COL24A1: variants seen among roughly 807,000 people sequenced by gnomAD.
COL24A1 encodes collagen type XXIV alpha 1 chain, also known as collagen alpha-1(XXIV) chain.
Under a neutral mutation model 253.9 loss-of-function variants are expected in COL24A1, and 224 were observed. The ratio of observed to expected loss-of-function variants is 0.88; its 90% confidence interval spans 0.79 to 0.99. The LOEUF (loss-of-function observed/expected upper bound fraction) is 0.99. Ranked by LOEUF, COL24A1 falls within the 50% of genes least tolerant of loss-of-function variation. The pLI is 0.00. For missense variants in COL24A1, 2,131 were observed against 2,068.5 expected (o/e 1.03, Z -0.59); for synonymous variants, 685 against 673.7 (o/e 1.02, Z -0.26).
chr1:85,852,817 TTTTA>T (rs1677931015), intron 37 of COL24A1, among the ~76,000 whole-genome samples: 1 of 152,168 alleles, frequency 6.6e-6, no homozygotes, highest in Non-Finnish European at 1.5e-5. Flanking sequence ...TGTATATTAC[TTTTA>T]TTTATTTATT....
intron 2 of COL24A1, among the ~76,000 whole-genome samples, chr1:86,139,870 A>G (rs1212766425): frequency 6.6e-6 from 1 of 152,318 alleles, no homozygotes; most frequent in Non-Finnish European, 1.5e-5. Context: ...TAAATTAACT[A>G]GATAATTGCC....
chr1:85,771,775 CTTTTTTAT>C (rs1428515805), intron 53 of COL24A1, among the ~76,000 whole-genome samples: 52 of 51,924 alleles, frequency 1.0e-3, no homozygotes, highest in Middle Eastern at 0.01. Context: ...TGTTGCCTGA[CTTTTTTAT>C]TTATTTATTT....
chr1:85,852,660 T>C (rs1677901026), intron 37 of COL24A1, among the ~76,000 whole-genome samples: 1 of 146,582 alleles, frequency 6.8e-6, no homozygotes, highest in Non-Finnish European at 1.5e-5. Flanking sequence ...ATAATTTCTT[T>C]AATTGCAAAA....
At chr1:85,761,684 T>A in intron 53 of COL24A1, 118 bp from the exon 54 acceptor site, 3 of 952,790 alleles carry the variant, frequency 3.1e-6, no homozygotes, top group Non-Finnish European at 5.0e-6. Flanking sequence ...TCATACAATT[T>A]AAAATTGTTT....
chr1:86,152,916 A>C (rs866562041), intron 1 of COL24A1, among the ~76,000 whole-genome samples: 1 of 152,154 alleles, frequency 6.6e-6, no homozygotes, highest in South Asian at 2.1e-4. Flanking sequence ...CACTCATCCC[A>C]AAATCAAGAA....
chr1:85,966,105 GT>G (rs1316601752), intron 22 of COL24A1, among the ~76,000 whole-genome samples: 1 of 152,082 alleles, frequency 6.6e-6, no homozygotes, highest in Non-Finnish European at 1.5e-5. Flanking sequence ...GTGAATCAGG[GT>G]GGTAGCAGAG....
rs1553173097 is a variant in COL24A1, at chr1:85,778,023, C to CTCTATCTATCTATCTATCTG, written c.4339-2315_4339-2314insCAGATAGATAGATAGATAGA. ...GGTATATGTGTGTATATGTCTCTAT[C>CTCTATCTATCTATCTATCTG]TCTATCTATCTATCTATCTATCTAT... On this transcript the variant is annotated intron_variant, in intron 52 of 59. Transcript: ENST00000370571. 3.2e-4 allele frequency among the ~76,000 whole-genome samples: 48 copies of CTCTATCTATCTATCTATCTG among 149,246 alleles called. No homozygotes were observed. In the East Asian group the frequency reaches 6.0e-3, roughly 19 times the overall value.
intron 24 of COL24A1, among the ~76,000 whole-genome samples, chr1:85,957,121 A>G (rs535995050): frequency 1.3e-5 from 2 of 152,314 alleles, no homozygotes; most frequent in East Asian, 1.9e-4. Context: ...GTTCTCACAC[A>G]TAAGTGGGAG....
rs1431640308 is a variant in COL24A1 at position 85,737,515 on chromosome 1, T to C, written c.4673-10A>G. On this transcript the variant is annotated splice_polypyrimidine_tract_variant and intron_variant, in intron 57 of 59. Coordinates refer to ENST00000370571, the MANE Select transcript of COL24A1 (RefSeq NM_152890.7). ...TCAATCCAGTATTTTCCTAATAATT[T>C]ATAGTAAAACATAAAGTTAAAGTTA... is the stretch of plus-strand genomic sequence containing the variant. 1 of 1,559,280 alleles carries C rather than the reference T, an allele frequency of 6.4e-7. No homozygotes were observed. Among genetic ancestry groups the C allele is most frequent in the Non-Finnish European group, 8.8e-7 (1 of 1,140,246 alleles).
chr1:85,742,309 T>G (rs1321495366), intron 57 of COL24A1, among the ~76,000 whole-genome samples: 1 of 151,880 alleles, frequency 6.6e-6, no homozygotes, highest in African/African-American at 2.4e-5. Flanking sequence ...TTTTTCTGTA[T>G]TTTTAGTAGA....
chr1:86,041,988 G>C (rs1034858953), intron 12 of COL24A1, among the ~76,000 whole-genome samples: 1 of 151,982 alleles, frequency 6.6e-6, no homozygotes. Flanking sequence ...GAGCCCCAGG[G>C]TATCCTCTAA....
At chr1:86,136,012 C>A (rs899396599) in intron 2 of COL24A1, among the ~76,000 whole-genome samples, 2 of 152,082 alleles carry the variant, frequency 1.3e-5, no homozygotes, top group African/African-American at 4.8e-5. Context: ...CAGTTTCATT[C>A]TAAATGGCTT....
At chr1:85,965,410 G>A (rs1691466842) in intron 22 of COL24A1, among the ~76,000 whole-genome samples, 1 of 151,986 alleles carries the variant, frequency 6.6e-6, no homozygotes, top group Admixed American at 6.6e-5. Context: ...AGCAGGGAAG[G>A]GATATATAAA....
intron 37 of COL24A1, among the ~76,000 whole-genome samples, chr1:85,867,029 A>G (rs936032741): frequency 4.6e-5 from 7 of 152,188 alleles, no homozygotes; most frequent in Admixed American, 1.3e-4. Flanking sequence ...ATGTGTTATA[A>G]TATTATTTTA....
intron 19 of COL24A1, among the ~76,000 whole-genome samples, chr1:86,008,525 T>C (rs961894452): frequency 3.9e-5 from 6 of 152,180 alleles, no homozygotes; most frequent in Non-Finnish European, 7.4e-5. Context: ...AATATGAATA[T>C]TTTAATCTTC....
chr1:85,907,276 T>TAGAATTTACA, intron 27 of COL24A1, 29 bp from the exon 28 acceptor site: 1 of 1,575,010 alleles, frequency 6.3e-7, no homozygotes, highest in East Asian at 2.2e-5. Context: ...AAGTCAGTTG[T>TAGAATTTACA]AGAATTTACA....
intron 7 of COL24A1, among the ~76,000 whole-genome samples, chr1:86,073,491 G>A (rs567545098): frequency 5.5e-4 from 83 of 152,290 alleles, no homozygotes; most frequent in African/African-American, 1.9e-3. Flanking sequence ...CCAAACCTAC[G>A]TTTGATTGGT....
At chr1:86,059,225 T>C (rs1273434502) in intron 8 of COL24A1, 51 bp from the exon 9 acceptor site, 7 of 1,368,116 alleles carry the variant, frequency 5.1e-6, no homozygotes, top group Non-Finnish European at 7.1e-6. Context: ...GGAAACAAAT[T>C]TGGTATATTT....
rs537674468 is a variant in COL24A1 at position 86,126,781 on chromosome 1, C to T, written c.122-567G>A. On this transcript the variant is annotated intron_variant, in intron 2 of 59. Transcript: ENST00000370571. ...GATCTCCAAAATTTAATTAGTTTAT[C>T]TCTCTTGTTTTCCATTTTACTGATT... 7.2e-5 allele frequency among the ~76,000 whole-genome samples: 11 copies of T among 152,186 alleles called. No homozygotes were observed. The East Asian group carries it at 1.4e-3, about 19-fold the overall frequency.
Sources: gnomAD v4.1 joint callset for allele counts (sites outside exome capture counted in the v4.1 genomes callset) on GRCh38, gnomAD v4.1.1 for gene constraint, MANE v1.5 for transcripts, NCBI Gene and HGNC (gene_info 2026-07-23, HGNC 2026-07-21) for gene names.